The following KHDRBS1 variants were observed in gnomAD, a reference collection of about 807,000 sequenced individuals.
KHDRBS1 encodes the protein KH domain-containing, RNA-binding, signal transduction-associated protein 1.
KHDRBS1 carries 7 observed loss-of-function variants against 48.4 expected under a neutral mutation model. The observed-to-expected ratio is 0.14, with a 90% CI of 0.08 to 0.27. KHDRBS1 has a LOEUF of 0.27. KHDRBS1 is among the 10% of genes least tolerant of loss of function. The probability of loss-of-function intolerance (pLI) is 1.00; values close to 1 mark genes in which losing one functional copy is unlikely to be tolerated. For synonymous variants in KHDRBS1, 241 were observed against 235.8 expected, an observed-to-expected ratio of 1.02 and a Z score of -0.20; for missense variants, 458 against 601.2, an observed-to-expected ratio of 0.76 and a Z score of 2.49.
intron 5 of KHDRBS1, 63 bp from the exon 6 acceptor site, chr1:32,037,772 A>G (rs928564224): frequency 1.9e-6 from 3 of 1,561,950 alleles, no homozygotes; most frequent in Non-Finnish European, 2.6e-6. Context: ...TTGTAAACAA[A>G]TCAGAACATA....
intron 4 of KHDRBS1, among the ~76,000 whole-genome samples, chr1:32,035,080 T>G (rs1322086483): frequency 2.0e-5 from 3 of 152,064 alleles, no homozygotes; most frequent in Non-Finnish European, 4.4e-5. Flanking sequence ...TTCTTTTTAC[T>G]CTTTTTGGGG....
intron 6 of KHDRBS1, among the ~76,000 whole-genome samples, chr1:32,038,277 T>G (rs1639222084): frequency 6.6e-6 from 1 of 152,266 alleles, no homozygotes; most frequent in Non-Finnish European, 1.5e-5. Context: ...TATTTTATAA[T>G]GAATTTCTTA....
At position 32,053,125 on chromosome 1, in the gene KHDRBS1, C is replaced by T. The variant is rs550382351; in HGVS notation, n.1302-7038C>T. On this transcript the variant is annotated intron_variant and non_coding_transcript_variant, in intron 10 of 10. Coordinates refer to the KHDRBS1 transcript ENST00000484270. ...TCATGATCATGACACTATACTCCAG[C>T]TTGGGTGACAGCAAGACTCTGTCTC... 1.1e-4 allele frequency among the ~76,000 whole-genome samples: 17 copies of T among 152,254 alleles called. No homozygotes were observed. The South Asian group carries it at 3.3e-3, about 30-fold the overall frequency.
chr1:32,045,145 G>A (rs561832764), downstream of KHDRBS1, among the ~76,000 whole-genome samples: 1 of 152,196 alleles, frequency 6.6e-6, no homozygotes, highest in African/African-American at 2.4e-5. Flanking sequence ...ATTTAAAACT[G>A]TGTAAGGATG....
downstream of KHDRBS1, among the ~76,000 whole-genome samples, chr1:32,047,056 GT>G (rs1219348564): frequency 6.6e-6 from 1 of 152,220 alleles, no homozygotes; most frequent in Non-Finnish European, 1.5e-5. Flanking sequence ...GGCAGGTTCT[GT>G]TTGTGGACCT....
chr1:32,021,121 T>TA (rs897184968), intron 1 of KHDRBS1, among the ~76,000 whole-genome samples: 45 of 149,184 alleles, frequency 3.0e-4, no homozygotes, highest in Admixed American at 7.4e-4. Context: ...GCCTTAAAAT[T>TA]AAAAAAAAAA....
At chr1:32,049,331 AGACGT>A (rs1363448055) in intron 10 of KHDRBS1, among the ~76,000 whole-genome samples, 1 of 152,030 alleles carries the variant, frequency 6.6e-6, no homozygotes, top group African/African-American at 2.4e-5. Context: ...TTGGGATTAC[AGACGT>A]GAGCCATCAC....
chr1:32,042,145 T>G (rs1345652399), intron 8 of KHDRBS1, among the ~76,000 whole-genome samples: 1 of 152,174 alleles, frequency 6.6e-6, no homozygotes, highest in African/African-American at 2.4e-5. Flanking sequence ...CCAAATTGTT[T>G]TGGGAACAGG....
At chr1:32,058,450 G>A (rs190654181) in intron 10 of KHDRBS1, among the ~76,000 whole-genome samples, 53 of 152,280 alleles carry the variant, frequency 3.5e-4, no homozygotes, top group Admixed American at 2.6e-3. Context: ...CAATTCACAG[G>A]GTGGTTGAAA....
downstream of KHDRBS1, among the ~76,000 whole-genome samples, chr1:32,047,261 C>T (rs1426239780): frequency 1.3e-5 from 2 of 152,170 alleles, no homozygotes; most frequent in African/African-American, 2.4e-5. Flanking sequence ...CGGGTTCAAG[C>T]GATTCCCCTG....
intron 1 of KHDRBS1, among the ~76,000 whole-genome samples, chr1:32,021,454 T>C (rs1638856521): frequency 6.6e-6 from 1 of 152,182 alleles, no homozygotes; most frequent in Admixed American, 6.5e-5. Flanking sequence ...AAACAATAAG[T>C]AATTTGATAA....
At chr1:32,036,760 G>A (rs41301066) in intron 4 of KHDRBS1, 150 bp from the exon 5 acceptor site, 58,328 of 677,958 alleles carry the variant, frequency 0.086, 3,125 homozygotes, top group Non-Finnish European at 0.11. Flanking sequence ...TGACAGATAG[G>A]GTGCCATTTG....
At position 32,031,715 on chromosome 1, in the gene KHDRBS1, T is replaced by C. The variant is rs188954247; in HGVS notation, c.624+75T>C. ...CCCAGAATGCAGTATGGATGTCTTA[T>C]AGAGGCGGCAAGAATTTTGTATGTG... On this transcript the variant is annotated intron_variant, in intron 3 of 8. Coordinates refer to ENST00000327300, the MANE Select transcript of KHDRBS1 (RefSeq NM_006559.3). The C allele has an allele frequency of 8.1e-5, 73 of 903,720 alleles. No homozygotes were observed. The African/African-American group carries it at 8.1e-4, about 10-fold the overall frequency. The allele number at this position is 903,720 out of a possible 1,614,324, so 56.0% of individuals were successfully genotyped here.
At chr1:32,029,903 A>G (rs760825217) in intron 1 of KHDRBS1, among the ~76,000 whole-genome samples, 10 of 152,208 alleles carry the variant, frequency 6.6e-5, no homozygotes, top group Admixed American at 2.6e-4. Context: ...GGAACTATCC[A>G]TTGTATATTT....
At chr1:32,045,125 C>T (rs1413486998), downstream of KHDRBS1, among the ~76,000 whole-genome samples, 1 of 152,198 alleles carries the variant, frequency 6.6e-6, no homozygotes, top group Non-Finnish European at 1.5e-5. Flanking sequence ...CAAAAGCTTT[C>T]TGCTCAGCTA....
exon 11 of KHDRBS1, chr1:32,060,816 C>T (rs935591792): frequency 1.3e-5 from 2 of 152,196 alleles, no homozygotes; most frequent in East Asian, 3.8e-4. Flanking sequence ...CAAATATCTG[C>T]CCCTGAGGAC....
chr1:32,028,635 T>C (rs1639021744), intron 1 of KHDRBS1, among the ~76,000 whole-genome samples: 2 of 150,898 alleles, frequency 1.3e-5, no homozygotes, highest in African/African-American at 2.4e-5. Flanking sequence ...CCCTAGTAGC[T>C]GGGACTACAG....
intron 10 of KHDRBS1, among the ~76,000 whole-genome samples, chr1:32,050,234 T>G (rs1214459790): frequency 1.3e-5 from 2 of 152,236 alleles, no homozygotes; most frequent in Non-Finnish European, 2.9e-5. Flanking sequence ...CACTTTTAAA[T>G]GGGATAATTT....
intron 4 of KHDRBS1, among the ~76,000 whole-genome samples, chr1:32,035,932 C>T (rs151177157): frequency 1.8e-3 from 268 of 152,212 alleles, no homozygotes; most frequent in Non-Finnish European, 3.0e-3. Context: ...TTAGGCAAGT[C>T]TTGTAAGGAT....
Sources: allele counts gnomAD v4.1 joint callset (sites outside exome capture counted in the v4.1 genomes callset), GRCh38; gene constraint gnomAD v4.1.1; transcripts MANE v1.5; gene names NCBI Gene and HGNC (gene_info 2026-07-23, HGNC 2026-07-21).